MACROD2: variants seen among roughly 807,000 people sequenced by gnomAD.
MACROD2 encodes the protein mono-ADP ribosylhydrolase 2.
In MACROD2, 36 loss-of-function variants were observed where a neutral mutation model predicts 70.4. That is an observed-to-expected ratio of 0.51 (90% CI 0.39 to 0.68). The LOEUF (loss-of-function observed/expected upper bound fraction) is 0.68, where lower values mean the gene tolerates loss of function less well. Among genes scored for constraint, MACROD2 ranks in the 30% least tolerant of loss-of-function variants. The pLI is 0.00. For missense variants in MACROD2, 496 were observed against 538.4 expected (o/e 0.92, Z 0.78); for synonymous variants, 172 against 178.8 (o/e 0.96, Z 0.30).
chr20:14,127,097 T>C (rs889560423), intron 3 of MACROD2, among the ~76,000 whole-genome samples: 7 of 152,150 alleles, frequency 4.6e-5, no homozygotes, highest in Admixed American at 2.0e-4. Flanking sequence ...GGGAGAGTTA[T>C]GAATGCAAAT....
chr20:15,760,348 G>C (rs927108913), intron 8 of MACROD2, among the ~76,000 whole-genome samples: 1 of 152,262 alleles, frequency 6.6e-6, no homozygotes. Context: ...TACCAGATGG[G>C]GCTGAAATTA....
chr20:14,499,215 C>T (rs1279822451), intron 4 of MACROD2, among the ~76,000 whole-genome samples: 2 of 152,234 alleles, frequency 1.3e-5, no homozygotes, highest in African/African-American at 4.8e-5. Flanking sequence ...TGATGCTAGG[C>T]CACAGAAAAT....
At chr20:14,413,747 A>G (rs2122872406) in intron 3 of MACROD2, among the ~76,000 whole-genome samples, 1 of 152,308 alleles carries the variant, frequency 6.6e-6, no homozygotes, top group East Asian at 1.9e-4. Flanking sequence ...AGAGTTCAGC[A>G]TGACAGAAGT....
intron 5 of MACROD2, among the ~76,000 whole-genome samples, chr20:14,882,266 G>A (rs2073619061): frequency 6.6e-6 from 1 of 152,160 alleles, no homozygotes; most frequent in Admixed American, 6.5e-5. Flanking sequence ...AATGAATGAT[G>A]CTTTTGCAAC....
intron 10 of MACROD2, among the ~76,000 whole-genome samples, chr20:15,933,067 G>A (rs568286866): frequency 1.3e-5 from 2 of 152,296 alleles, no homozygotes; most frequent in African/African-American, 4.8e-5. Context: ...ATTTCATCTA[G>A]CAAATCATGT....
At chr20:15,323,790 A>G (rs765254472) in intron 6 of MACROD2, among the ~76,000 whole-genome samples, 10 of 152,016 alleles carry the variant, frequency 6.6e-5, no homozygotes, top group African/African-American at 1.2e-4. Context: ...GTCACTGCCT[A>G]TGTCCCTAAG....
intron 4 of MACROD2, among the ~76,000 whole-genome samples, chr20:14,600,341 T>TACACACAC (rs781460150): frequency 7.0e-6 from 1 of 142,174 alleles, no homozygotes; most frequent in African/African-American, 2.9e-5. Flanking sequence ...TATATATATA[T>TACACACAC]ATACACACAC....
At chr20:15,864,109 A>T (rs2064460745) in intron 9 of MACROD2, among the ~76,000 whole-genome samples, 3 of 148,382 alleles carry the variant, frequency 2.0e-5, no homozygotes, top group African/African-American at 5.0e-5. Flanking sequence ...ACCTTTCTTC[A>T]TTTTTTTCAA....
chr20:14,215,989 T>G (rs900705355), intron 3 of MACROD2, among the ~76,000 whole-genome samples: 2 of 152,214 alleles, frequency 1.3e-5, no homozygotes, highest in African/African-American at 4.8e-5. Context: ...CTGTTCCTTT[T>G]GCTGTGCAAA....
intron 8 of MACROD2, among the ~76,000 whole-genome samples, chr20:15,675,945 C>A (rs1486496999): frequency 6.6e-6 from 1 of 152,076 alleles, no homozygotes; most frequent in Non-Finnish European, 1.5e-5. Flanking sequence ...ACCTGTGTAT[C>A]CATGAAGCTT....
intron 4 of MACROD2, among the ~76,000 whole-genome samples, chr20:14,635,167 A>C (rs1885665931): frequency 6.6e-6 from 1 of 152,218 alleles, no homozygotes; most frequent in African/African-American, 2.4e-5. Context: ...ACAGTTATAC[A>C]ATCAGTGTTG....
intron 2 of MACROD2, among the ~76,000 whole-genome samples, chr20:14,057,051 A>G (rs2053638389): frequency 6.6e-6 from 1 of 152,172 alleles, no homozygotes. Context: ...TCATGTGGAT[A>G]TCCAAATGGG....
intron 8 of MACROD2, among the ~76,000 whole-genome samples, chr20:15,605,922 T>C (rs1013969090): frequency 1.3e-5 from 2 of 152,228 alleles, no homozygotes; most frequent in African/African-American, 2.4e-5. Context: ...TGCTTGCTGG[T>C]ATCTCTTCAC....
chr20:14,358,372 G>T (rs891569791), intron 3 of MACROD2, among the ~76,000 whole-genome samples: 2 of 152,112 alleles, frequency 1.3e-5, no homozygotes, highest in African/African-American at 4.8e-5. Flanking sequence ...ATATATTCCA[G>T]TTTCTATCCT....
At chr20:14,215,189 T>C (rs1415728556) in intron 3 of MACROD2, among the ~76,000 whole-genome samples, 2 of 150,804 alleles carry the variant, frequency 1.3e-5, no homozygotes, top group Non-Finnish European at 3.0e-5. Flanking sequence ...ATCATATATA[T>C]TCCATCATAT....
At chr20:14,932,854 C>T (rs923972199) in intron 5 of MACROD2, among the ~76,000 whole-genome samples, 10 of 152,112 alleles carry the variant, frequency 6.6e-5, no homozygotes, top group African/African-American at 2.4e-4. Flanking sequence ...GGATGAACCA[C>T]GGCGCCCAGC....
At chr20:16,030,288 A>G (rs139843939) in intron 15 of MACROD2, among the ~76,000 whole-genome samples, 50 of 152,336 alleles carry the variant, frequency 3.3e-4, no homozygotes, top group Non-Finnish European at 6.5e-4. Flanking sequence ...TTGCTGAGAA[A>G]TCCAACACAA....
intron 2 of MACROD2, among the ~76,000 whole-genome samples, chr20:14,032,332 T>A (rs1288278625): frequency 8.5e-5 from 13 of 152,164 alleles, no homozygotes; most frequent in Non-Finnish European, 1.5e-5. Flanking sequence ...ACAAATGATG[T>A]TGGGTCTGAG....
intron 3 of MACROD2, chr20:14,325,934 G>T: frequency 3.7e-6 from 6 of 1,613,902 alleles, no homozygotes; most frequent in South Asian, 1.1e-5. Flanking sequence ...GGTAAATTGG[G>T]GTTTTTGTAA....
Sources: gnomAD v4.1 joint callset for allele counts (sites outside exome capture counted in the v4.1 genomes callset) on GRCh38, gnomAD v4.1.1 for gene constraint, MANE v1.5 for transcripts, NCBI Gene and HGNC (gene_info 2026-07-23, HGNC 2026-07-21) for gene names.